LTBP3: variants seen among roughly 807,000 people sequenced by gnomAD.
The protein encoded by LTBP3 is latent-transforming growth factor beta-binding protein 3.
A neutral mutation model predicts 159.7 loss-of-function variants in LTBP3; 97 were observed. The observed-to-expected ratio is 0.61, with a 90% CI of 0.52 to 0.72. The LOEUF (loss-of-function observed/expected upper bound fraction) is 0.72, where lower values mean the gene tolerates loss of function less well. LTBP3 is among the 30% of genes least tolerant of loss of function. The probability of loss-of-function intolerance (pLI) is 0.00; values close to 1 mark genes in which losing one functional copy is unlikely to be tolerated. For missense variants in LTBP3, 1,584 were observed against 1,864.3 expected, an observed-to-expected ratio of 0.85 and a Z score of 2.77; for synonymous variants, 824 against 777.1, an observed-to-expected ratio of 1.06 and a Z score of -1.00.
chr11:65,546,318 G>T lies in LTBP3; in HGVS notation c.2353+124C>A. ...GGCAAAGTTCGTTGAGAAAATGAGT[G>T]AGCAGAGTCACCTGGGGATGAATGA... On this transcript the variant is annotated intron_variant, in intron 16 of 27. Transcript: ENST00000301873. This position sits in a 1 kb window ranked among gnomAD's most constrained non-coding sequence, Gnocchi z 4.0. The T allele has an allele frequency of 8.1e-7, 1 of 1,226,998 alleles. No individual in the cohort carries two copies. The highest frequency in any genetic ancestry group is 1.1e-6 in the Non-Finnish European group (1 of 918,844). 76.0% of individuals were successfully genotyped at this position (1,226,998 alleles called of 1,614,324 possible). A position where few individuals can be genotyped will look rare whatever the true frequency, so the allele number is the denominator to read the frequency against.
chr11:65,546,373 C>A lies in LTBP3; in HGVS notation c.2353+69G>T, dbSNP rs953594959. 6.8e-7 allele frequency: 1 copy of A among 1,473,014 alleles called. No homozygotes were observed. Among genetic ancestry groups the A allele is most frequent in the Non-Finnish European group, 9.0e-7 (1 of 1,115,456 alleles). The allele number at this position is 1,473,014 out of a possible 1,614,324, so 91.2% of individuals were successfully genotyped here. A position where few individuals can be genotyped will look rare whatever the true frequency, so the allele number is the denominator to read the frequency against. On this transcript the variant is annotated intron_variant, in intron 16 of 27. Coordinates refer to ENST00000301873, the MANE Select transcript of LTBP3 (RefSeq NM_001130144.3). This position sits in a 1 kb window ranked among gnomAD's most constrained non-coding sequence, Gnocchi z 4.0. ...CCTTCCACCCACTGTTTACAGACAG[C>A]GTGACCCGCTCCCCGGCTTCAGCGC...
intron 20 of LTBP3, 85 bp from the exon 21 acceptor site, chr11:65,541,039 C>T: frequency 6.3e-7 from 1 of 1,585,202 alleles, no homozygotes; most frequent in Non-Finnish European, 8.6e-7. Flanking sequence ...CCGCCTATTT[C>T]CCAACTGCCA....
At position 65,551,056 on chromosome 11, in the gene LTBP3, G is replaced by C. The variant is rs532537480; in HGVS notation, c.1720+70C>G. The C allele has an allele frequency of 5.0e-5, 63 of 1,252,614 alleles. 1 individual carries two copies. The highest frequency in any genetic ancestry group is 6.9e-5 in the Non-Finnish European group (61 of 884,810). 77.6% of individuals were successfully genotyped at this position (1,252,614 alleles called of 1,614,324 possible). A position where few individuals can be genotyped will look rare whatever the true frequency, so the allele number is the denominator to read the frequency against. On this transcript the variant is annotated intron_variant, in intron 11 of 27. Transcript: ENST00000301873. ...TTAGCGCTAGGGAATGCCTGGGGGC[G>C]GGAGGGAGGAGAGAAAACTAAAGTG...
rs139785381 is a variant in LTBP3 at position 65,551,297 on chromosome 11, G to C, written c.1622-73C>G. 13 of 1,531,998 alleles carry C rather than the reference G, an allele frequency of 8.5e-6. No individual in the cohort carries two copies. The African/African-American group carries it at 1.4e-4, about 16-fold the overall frequency. The allele number at this position is 1,531,998 out of a possible 1,614,324, so 94.9% of individuals were successfully genotyped here. A position where few individuals can be genotyped will look rare whatever the true frequency, so the allele number is the denominator to read the frequency against. On this transcript the variant is annotated intron_variant, in intron 10 of 27. Transcript: ENST00000301873. ...TCCCTTTCCACTTCAGTCTTGGCCC[G>C]GCGCCCCACCCCAGCTTGACTGTCC...
chr11:65,557,881 G>T lies in LTBP3; in HGVS notation c.79C>A (p.Leu27Met). ...AGCAGCAGCAGCAGCAGCAGCAGCA[G>T]CAGCGCCAGCAGCCCCGCCGCCCCC... is the stretch of plus-strand genomic sequence containing the variant. ...GAGAAGLLAL[L>M]LLLLLLLLGL... Residue 27 changes from leucine to methionine, a missense_variant, in exon 1 of 28, where the codon CTG (leucine) becomes ATG (methionine). Transcript: ENST00000301873. 1 of 1,308,770 alleles carries T rather than the reference G, an allele frequency of 7.6e-7. No homozygotes were observed. Among genetic ancestry groups the T allele is most frequent in the Non-Finnish European group, 9.8e-7 (1 of 1,020,036 alleles). The allele number at this position is 1,308,770 out of a possible 1,614,324, so 81.1% of individuals were successfully genotyped here. A position where few individuals can be genotyped will look rare whatever the true frequency, so the allele number is the denominator to read the frequency against.
In LTBP3 at chr11:65,551,972, C is replaced by T. The variant is rs1358198557; in HGVS notation, c.1531G>A (p.Gly511Arg). The T allele has an allele frequency of 6.2e-7, 1 of 1,613,902 alleles. No individual in the cohort carries two copies. Among genetic ancestry groups the T allele is most frequent in the Admixed American group, 1.7e-5 (1 of 59,998 alleles). The change falls in exon 8 of 28, where the codon GGG becomes AGG. Residue 511 changes from glycine to arginine, a missense_variant and splice_region_variant. This residue lies in a region of LTBP3 where 565 missense variants were observed against 677.7 expected (regional missense o/e 0.83). Coordinates refer to ENST00000301873, the MANE Select transcript of LTBP3 (RefSeq NM_001130144.3). Reference sequence around the variant, plus strand: ...GGGATCAGAAGGGGTCAGGCTAGACCTCTCTCTTCCTCTGTGTCCTCAGGT... The same window carrying T: ...GGGATCAGAAGGGGTCAGGCTAGACTTCTCTCTTCCTCTGTGTCCTCAGGT... ...PPPEDTEEER[G>R]VTTDSPVSEE... is the part of the protein sequence containing the mutation.
Position 65,554,116 on chromosome 11 carries a change from TC to T in LTBP3, c.595del (p.Glu199ArgfsTer14). ...GGCTGCGTGCTGGGCAGGAGGCCCC[TC>T]CCCGGGCCCAGGAGGGTCAGCGATC... ...QVIADPPGPG[E>X]GPPAQHAAFL... On this transcript the variant is annotated frameshift_variant, in exon 2 of 28. Coordinates refer to ENST00000301873, the MANE Select transcript of LTBP3 (RefSeq NM_001130144.3). LOFTEE classifies it high-confidence loss of function. This position sits in a 1 kb window ranked among gnomAD's most constrained non-coding sequence, Gnocchi z 5.3. The T allele has an allele frequency of 6.2e-7, 1 of 1,610,608 alleles. No individual in the cohort carries two copies.
chr11:65,541,734 G>A lies in LTBP3; in HGVS notation c.2597-6C>T. ...CTGGCTGCACTCATCTATGTCTGCG[G>A]GGCAAGAGTAGCGCAGCTGGAAACC... On this transcript the variant is annotated splice_region_variant and splice_polypyrimidine_tract_variant and intron_variant, in intron 18 of 27. Transcript: ENST00000301873. The A allele has an allele frequency of 6.2e-7, 1 of 1,613,962 alleles. No individual in the cohort carries two copies. The highest frequency in any genetic ancestry group is 8.5e-7 in the Non-Finnish European group (1 of 1,179,950).
Position 65,546,646 on chromosome 11 carries a change from T to A in LTBP3, c.2231-82A>T. 6.3e-7 allele frequency: 1 copy of A among 1,584,986 alleles called. No homozygotes were observed. Among genetic ancestry groups the A allele is most frequent in the Non-Finnish European group, 8.5e-7 (1 of 1,173,408 alleles). On this transcript the variant is annotated intron_variant, in intron 15 of 27. Transcript: ENST00000301873. The surrounding 1 kb of genome is among the most constrained non-coding windows in gnomAD (Gnocchi z 4.0). The stretch of plus-strand genomic sequence containing the variant: ...CTCGCGGGGGTGTGGGTCTCTTCCC[T>A]GGAACGCGGGGTTGAGAGGGCAGCC...
rs1856248477 is a variant in LTBP3 at position 65,543,603 on chromosome 11, C to G, written c.2354-54G>C. The stretch of plus-strand genomic sequence containing the variant: ...CAGGCTGGGTGGTCTTGGGTTTCTA[C>G]TACTGTTTTCTCACTTCTGCGCATG... On this transcript the variant is annotated intron_variant, in intron 16 of 27. Coordinates refer to ENST00000301873, the MANE Select transcript of LTBP3 (RefSeq NM_001130144.3). 6 of 1,611,538 alleles carry G rather than the reference C, an allele frequency of 3.7e-6. No individual in the cohort carries two copies. The East Asian group carries it at 1.3e-4, about 36-fold the overall frequency.
Position 65,543,527 on chromosome 11 carries a change from C to T in LTBP3, c.2376G>A (p.Gly792=), listed in dbSNP as rs758062887. Residue 792 remains glycine (G), a synonymous_variant, in exon 17 of 28, where the codon GGG becomes GGA. Coordinates refer to ENST00000301873, the MANE Select transcript of LTBP3 (RefSeq NM_001130144.3). ...TGCAGATGCCATTGTCACACACGTC[C>T]CCAGCCTCACACTCGTCCACATCTG... is the stretch of plus-strand genomic sequence containing the variant. ...SCLDVDECEA[G]DVCDNGICSN... 6.8e-6 allele frequency: 11 copies of T among 1,613,946 alleles called. No individual in the cohort carries two copies. Among genetic ancestry groups the T allele is most frequent in the East Asian group, 4.5e-5 (2 of 44,892 alleles).
In LTBP3 at chr11:65,546,157, AG is replaced by A. The variant is rs1565093911; in HGVS notation, c.2353+284del. On this transcript the variant is annotated intron_variant, in intron 16 of 27. Transcript: ENST00000301873. The surrounding 1 kb of genome is among the most constrained non-coding windows in gnomAD (Gnocchi z 4.0). Reference sequence around the variant, plus strand: ...CTTGGCGTATAATAAACAGGAGTGCAGGGGGGAGTACTATCGTCTGCCCTCA... The same window carrying A: ...CTTGGCGTATAATAAACAGGAGTGCAGGGGGAGTACTATCGTCTGCCCTCA... The A allele has an allele frequency of 2.1e-6, 1 of 469,856 alleles. No homozygotes were observed. Among genetic ancestry groups the A allele is most frequent in the South Asian group, 2.5e-5 (1 of 40,106 alleles). 29.1% of individuals were successfully genotyped at this position (469,856 alleles called of 1,614,324 possible). A position where few individuals can be genotyped will look rare whatever the true frequency, so the allele number is the denominator to read the frequency against.
Position 65,554,200 on chromosome 11 carries a change from G to A in LTBP3, c.512C>T (p.Pro171Leu). Reference sequence around the variant, plus strand: ...CACAGAGTCGCCCTCCGGAGCCAGGGGCGGCAGCGCCCCTGTGGACAGGGC... The same window carrying A: ...CACAGAGTCGCCCTCCGGAGCCAGGAGCGGCAGCGCCCCTGTGGACAGGGC... ...TGALSTGALP[P>L]LAPEGDSVAS... Residue 171 changes from proline to leucine, a missense_variant, in exon 2 of 28, where the codon CCC (proline) becomes CTC (leucine). Pro to Leu is a moderately conservative substitution (Grantham distance 98, BLOSUM62 -3). Around this residue, in one of 6 missense-constraint regions of LTBP3, gnomAD observed 194 missense variants for 198.7 expected, o/e 0.98. Coordinates refer to ENST00000301873, the MANE Select transcript of LTBP3 (RefSeq NM_001130144.3). The surrounding 1 kb of genome is among the most constrained non-coding windows in gnomAD (Gnocchi z 5.3). 6.2e-7 allele frequency: 1 copy of A among 1,611,078 alleles called. No individual in the cohort carries two copies. Among genetic ancestry groups the A allele is most frequent in the Non-Finnish European group, 8.5e-7 (1 of 1,179,460 alleles).
chr11:65,553,886 CG>C lies in LTBP3; in HGVS notation c.678del (p.Val227TrpfsTer2), dbSNP rs1349589786. ...QISAEVQAPP[P>X]VVNVRVHHPP... ...GGGTGATGGACGCGCACATTCACCACGGGGGGCGGGGCCTGCACTGGGGGCG... is the reference window on the plus strand; with the variant it reads ...GGGTGATGGACGCGCACATTCACCACGGGGGCGGGGCCTGCACTGGGGGCG... On this transcript the variant is annotated frameshift_variant, in exon 3 of 28. Coordinates refer to ENST00000301873, the MANE Select transcript of LTBP3 (RefSeq NM_001130144.3). LOFTEE classifies it high-confidence loss of function. The surrounding 1 kb of genome is among the most constrained non-coding windows in gnomAD (Gnocchi z 6.5). 6.6e-7 allele frequency: 1 copy of C among 1,512,334 alleles called. No individual in the cohort carries two copies. The allele number at this position is 1,512,334 out of a possible 1,614,324, so 93.7% of individuals were successfully genotyped here.
At position 65,540,845 on chromosome 11, in the gene LTBP3, G is replaced by A. The variant is rs567645178; in HGVS notation, c.2977+26C>T. On this transcript the variant is annotated intron_variant, in intron 21 of 27. Transcript: ENST00000301873. ...CCCAACCCGGGGTGAGAGGGCGCGG[G>A]GCGGGCGGAGCCGCAGGGCGCTTAC... is the stretch of plus-strand genomic sequence containing the variant. 1.1e-5 allele frequency: 17 copies of A among 1,597,540 alleles called. No individual in the cohort carries two copies. In the African/African-American group the frequency reaches 1.7e-4, roughly 16 times the overall value.
At position 65,557,834 on chromosome 11, in the gene LTBP3, C is replaced by T; in HGVS notation, c.126G>A (p.Glu42=). 6 of 1,422,302 alleles carry T rather than the reference C, an allele frequency of 4.2e-6. No homozygotes were observed. The highest frequency in any genetic ancestry group is 5.5e-6 in the Non-Finnish European group (6 of 1,089,974). 88.1% of individuals were successfully genotyped at this position (1,422,302 alleles called of 1,614,324 possible). A position where few individuals can be genotyped will look rare whatever the true frequency, so the allele number is the denominator to read the frequency against. ...CGCCCCGCTCGCCGGCCGGCCCCCCCTCGACCCTGCCGCCCAGGCCCAGCA... is the reference window on the plus strand; with the variant it reads ...CGCCCCGCTCGCCGGCCGGCCCCCCTTCGACCCTGCCGCCCAGGCCCAGCA... ...LLLLGLGGRV[E]GGPAGERGAG... The change falls in exon 1 of 28, where the codon GAG becomes GAA. Residue 42 remains glutamate (E), a synonymous_variant. Transcript: ENST00000301873.
Position 65,554,174 on chromosome 11 carries a change from CCA to C in LTBP3, c.536_537del (p.Val179GlyfsTer14), listed in dbSNP as rs2135159627. The C allele has an allele frequency of 3.1e-6, 5 of 1,611,956 alleles. No individual in the cohort carries two copies. Among genetic ancestry groups the C allele is most frequent in the Non-Finnish European group, 4.2e-6 (5 of 1,179,610 alleles). ...LPPLAPEGDS[V>X]ASKHAIYAVQ... ...ACGGCGTAGATGGCGTGCTTGCTGG[CCA>C]CAGAGTCGCCCTCCGGAGCCAGGGG... On this transcript the variant is annotated frameshift_variant, in exon 2 of 28. Coordinates refer to ENST00000301873, the MANE Select transcript of LTBP3 (RefSeq NM_001130144.3). LOFTEE classifies it high-confidence loss of function. This position sits in a 1 kb window ranked among gnomAD's most constrained non-coding sequence, Gnocchi z 5.3.
chr11:65,542,931 A>AGGATGGATGGATGGATGGATGGAT, intron 18 of LTBP3, 174 bp downstream of exon 18: 1 of 817,576 alleles, frequency 1.2e-6, no homozygotes, highest in Non-Finnish European at 2.0e-6. Context: ...GATGGATAGA[A>AGGATGGATGGATGGATGGATGGAT]GGATGGATGG....
chr11:65,540,862 G>A lies in LTBP3; in HGVS notation c.2977+9C>T. On this transcript the variant is annotated intron_variant, in intron 21 of 27. Coordinates refer to ENST00000301873, the MANE Select transcript of LTBP3 (RefSeq NM_001130144.3). ...GGGCGCGGGGCGGGCGGAGCCGCAG[G>A]GCGCTTACCACGGTGGGCTGGGATG... 1 of 1,608,876 alleles carries A rather than the reference G, an allele frequency of 6.2e-7. No homozygotes were observed. The highest frequency in any genetic ancestry group is 8.5e-7 in the Non-Finnish European group (1 of 1,177,768).
Sources: gnomAD v4.1 joint callset for allele counts on GRCh38, gnomAD v4.1.1 for gene constraint, gnomAD v4.1.1 regional missense constraint, Gnocchi (gnomAD v3.1) non-coding constraint, MANE v1.5 for transcripts, NCBI Gene and HGNC (gene_info 2026-07-23, HGNC 2026-07-21) for gene names.